The following APOLD1 variants were observed in gnomAD, a reference collection of about 807,000 sequenced individuals.
APOLD1 encodes apolipoprotein L domain containing 1, also known as apolipoprotein L domain-containing protein 1.
Under a neutral mutation model 15.3 loss-of-function variants are expected in APOLD1, and 22 were observed. That is an observed-to-expected ratio of 1.44 (90% CI 1.03 to 2.05). The LOEUF (loss-of-function observed/expected upper bound fraction) is 2.05, where lower values mean the gene tolerates loss of function less well. Among genes scored for constraint, APOLD1 ranks in the 30% most tolerant of loss-of-function variants. The probability of loss-of-function intolerance (pLI) is 0.00; values close to 1 mark genes in which losing one functional copy is unlikely to be tolerated. For missense variants in APOLD1, 394 were observed against 353.5 expected (o/e 1.11, Z -0.92); for synonymous variants, 190 against 167.4 (o/e 1.13, Z -1.04).
At chr12:12,782,953 C>T (rs1409982459), upstream of APOLD1, among the ~76,000 whole-genome samples, 2 of 152,130 alleles carry the variant, frequency 1.3e-5, no homozygotes, top group African/African-American at 4.8e-5. Context: ...TGCCTGTAAT[C>T]CCAGCACTTT....
At position 12,726,930 on chromosome 12, in the gene APOLD1, C is replaced by T. The variant is rs939690775; in HGVS notation, c.96+834C>T. Among the ~76,000 whole-genome samples, 12 of 152,324 alleles carry T rather than the reference C, an allele frequency of 7.9e-5. No homozygotes were observed. The East Asian group carries it at 1.7e-3, about 22-fold the overall frequency. Reference sequence around the variant, plus strand: ...TGAGAACTTTTTTGAGTTGAAGACACGCTAGCCTCAGGAAGCAGTGAGCTC... The same window carrying T: ...TGAGAACTTTTTTGAGTTGAAGACATGCTAGCCTCAGGAAGCAGTGAGCTC... On this transcript the variant is annotated intron_variant, in intron 1 of 1. Coordinates refer to the APOLD1 transcript ENST00000326765.
At chr12:12,772,171 G>T (rs944032760) in intron 1 of APOLD1, among the ~76,000 whole-genome samples, 1 of 152,132 alleles carries the variant, frequency 6.6e-6, no homozygotes, top group Admixed American at 6.5e-5. Flanking sequence ...AATGTCAGTG[G>T]TCTAAATTCA....
chr12:12,742,541 T>C (rs1475587392), intron 1 of APOLD1, among the ~76,000 whole-genome samples: 1 of 151,790 alleles, frequency 6.6e-6, no homozygotes, highest in African/African-American at 2.4e-5. Flanking sequence ...CCGAGGTGGG[T>C]GGATCACAAG....
chr12:12,750,112 C>G (rs1331405203), intron 1 of APOLD1, among the ~76,000 whole-genome samples: 1 of 152,130 alleles, frequency 6.6e-6, no homozygotes, highest in Non-Finnish European at 1.5e-5. Context: ...GTGGCTCACG[C>G]CTGTAATCCC....
chr12:12,731,867 T>C (rs560738170), intron 1 of APOLD1, among the ~76,000 whole-genome samples: 115 of 152,324 alleles, frequency 7.5e-4, no homozygotes, highest in Non-Finnish European at 1.4e-3. Flanking sequence ...TTTGCATGCG[T>C]GGAAGCCACG....
intron 1 of APOLD1, 97 bp downstream of exon 1, chr12:12,785,791 C>G (rs1295652254): frequency 1.6e-6 from 2 of 1,238,800 alleles, no homozygotes; most frequent in Non-Finnish European, 2.4e-6. Flanking sequence ...ATTATGGAAG[C>G]ATGGAAGTAA....
intron 1 of APOLD1, among the ~76,000 whole-genome samples, chr12:12,761,835 A>ATATATATATATATAT (rs1565432774): frequency 1.6e-5 from 2 of 123,412 alleles, no homozygotes; most frequent in East Asian, 3.1e-4. Flanking sequence ...ATGTATAGAG[A>ATATATATATATATAT]GAGAGAGAGA....
In APOLD1 at chr12:12,787,053, A is replaced by C; in HGVS notation, c.148A>C (p.Arg50=). 1 of 1,362,424 alleles carries C rather than the reference A, an allele frequency of 7.3e-7. No homozygotes were observed. Among genetic ancestry groups the C allele is most frequent in the East Asian group, 3.1e-5 (1 of 32,274 alleles). 84.4% of individuals were successfully genotyped at this position (1,362,424 alleles called of 1,614,324 possible). The change falls in exon 2 of 2, where the codon AGG becomes CGG. Residue 50 remains arginine, a synonymous_variant. Coordinates refer to ENST00000356591, the MANE Select transcript of APOLD1 (RefSeq NM_030817.3). The surrounding 1 kb of genome is among the most constrained non-coding windows in gnomAD (Gnocchi z 4.9). ...GGCCCGGCGCCTGGAGCGCCTGCGC[A>C]GGCGCTCCCTCGTAGCCAACGTGGC... The part of the protein sequence containing the change: ...EVARRLERLR[R]RSLVANVAGS...
chr12:12,771,968 A>G (rs1475455915), intron 1 of APOLD1, among the ~76,000 whole-genome samples: 2 of 151,982 alleles, frequency 1.3e-5, no homozygotes, highest in African/African-American at 2.4e-5. Context: ...AAAAGGTTAG[A>G]AAAAAAAGAA....
chr12:12,726,035 G>T (rs770064762), exon 1 of APOLD1: 1 of 1,541,142 alleles, frequency 6.5e-7, no homozygotes, highest in African/African-American at 1.4e-5. Context: ...CTGCGGGCCA[G>T]GGGTACTCGG....
intron 1 of APOLD1, among the ~76,000 whole-genome samples, chr12:12,734,029 T>C (rs1468200864): frequency 1.3e-5 from 2 of 152,242 alleles, no homozygotes; most frequent in Non-Finnish European, 2.9e-5. Flanking sequence ...TTTAATAATT[T>C]TTCCTCCATT....
intron 1 of APOLD1, among the ~76,000 whole-genome samples, chr12:12,743,152 T>C (rs1413505452): frequency 6.6e-6 from 1 of 152,234 alleles, no homozygotes; most frequent in Non-Finnish European, 1.5e-5. Flanking sequence ...TGGAGGTAGG[T>C]GTAGGTAGAT....
chr12:12,735,226 A>AAAAC (rs907338605), intron 1 of APOLD1, among the ~76,000 whole-genome samples: 19 of 152,004 alleles, frequency 1.2e-4, no homozygotes, highest in African/African-American at 4.1e-4. Flanking sequence ...CCCCATCTCT[A>AAAAC]AAACAAACAA....
intron 1 of APOLD1, among the ~76,000 whole-genome samples, chr12:12,775,698 A>G (rs1947026317): frequency 6.6e-6 from 1 of 152,202 alleles, no homozygotes. Context: ...TCACCATAGA[A>G]ACTACATTTT....
rs574739206 is a variant in APOLD1 at position 12,730,998 on chromosome 12, G to A, written c.96+4902G>A. On this transcript the variant is annotated intron_variant, in intron 1 of 1. Transcript: ENST00000326765. ...CTACTAAAAATAAAAAAAATTAGCC[G>A]GGCGTGGTGGCGGGCGCCTGTAGTC... Among the ~76,000 whole-genome samples the A allele has an allele frequency of 3.0e-3, 454 of 152,030 alleles. 1 individual carries two copies. The highest frequency in any genetic ancestry group is 6.7e-3 in the Admixed American group (103 of 15,272).
intron 1 of APOLD1, among the ~76,000 whole-genome samples, chr12:12,742,787 C>A (rs1946738119): frequency 6.7e-6 from 1 of 149,442 alleles, no homozygotes; most frequent in Non-Finnish European, 1.5e-5. Flanking sequence ...AGGCCCTGGT[C>A]AGGGTCTCAC....
chr12:12,731,325 G>T (rs1038543850), intron 1 of APOLD1, among the ~76,000 whole-genome samples: 8 of 152,148 alleles, frequency 5.3e-5, no homozygotes, highest in African/African-American at 1.9e-4. Flanking sequence ...TTAATAAAGA[G>T]AATTAGATAT....
At position 12,761,800 on chromosome 12, in the gene APOLD1, TACATGAAC is replaced by T. The variant is rs1442170009; in HGVS notation, c.97-25107_97-25100del. ...AATGGTTTGAATGAACATATATATA[TACATGAAC>T]ATATACATATATGTATATGTATAGA... On this transcript the variant is annotated intron_variant, in intron 1 of 1. Coordinates refer to the APOLD1 transcript ENST00000326765. Among the ~76,000 whole-genome samples, 892 of 144,184 alleles carry T rather than the reference TACATGAAC, an allele frequency of 6.2e-3. 47 individuals carry two copies. Among genetic ancestry groups the T allele is most frequent in the East Asian group, 0.03 (141 of 4,644 alleles). 94.6% of individuals were successfully genotyped at this position (144,184 alleles called of 152,430 possible).
At chr12:12,743,233 CAA>C (rs924095990) in intron 1 of APOLD1, among the ~76,000 whole-genome samples, 7 of 152,156 alleles carry the variant, frequency 4.6e-5, no homozygotes, top group Non-Finnish European at 8.8e-5. Flanking sequence ...TTTGTGCAAT[CAA>C]AGAACTCCTT....
Sources: allele counts gnomAD v4.1 joint callset (sites outside exome capture counted in the v4.1 genomes callset), GRCh38; gene constraint gnomAD v4.1.1; non-coding constraint Gnocchi (gnomAD v3.1); transcripts MANE v1.5; gene names NCBI Gene and HGNC (gene_info 2026-07-23, HGNC 2026-07-21).